GBP5: variants seen among roughly 807,000 people sequenced by gnomAD.
GBP5 encodes the protein guanylate-binding protein 5.
GBP5 carries 48 observed loss-of-function variants against 58.2 expected under a neutral mutation model. That is an observed-to-expected ratio of 0.83 (90% CI 0.65 to 1.05). The LOEUF is 1.05. Among genes scored for constraint, GBP5 ranks in the 50% least tolerant of loss-of-function variants. GBP5 has a pLI of 0.00. For missense variants in GBP5, 714 were observed against 686.8 expected, an observed-to-expected ratio of 1.04 and a Z score of -0.44; for synonymous variants, 248 against 251.8, an observed-to-expected ratio of 0.98 and a Z score of 0.14.
chr1:89,267,550 T>G, intron 4 of GBP5, 24 bp from the exon 5 acceptor site: 3 of 1,438,222 alleles, frequency 2.1e-6, no homozygotes, highest in Non-Finnish European at 2.9e-6. Context: ...CAAATTTAAG[T>G]CATGTCTCAT....
chr1:89,265,207 T>C (rs1227276425), intron 7 of GBP5, among the ~76,000 whole-genome samples: 1 of 152,114 alleles, frequency 6.6e-6, no homozygotes, highest in East Asian at 1.9e-4. Context: ...TTCAAGGTGT[T>C]TGTGATAGTC....
chr1:89,269,294 G>A, intron 3 of GBP5, 72 bp downstream of exon 3: 2 of 1,428,912 alleles, frequency 1.4e-6, no homozygotes, highest in Non-Finnish European at 9.8e-7. Flanking sequence ...CTCTCTCCTT[G>A]CTTCCTCGTA....
intron 7 of GBP5, among the ~76,000 whole-genome samples, chr1:89,265,727 CA>C (rs10539124): frequency 0.019 from 1,523 of 80,294 alleles, 13 homozygotes; most frequent in African/African-American, 0.044. Context: ...GACTCCACCT[CA>C]AAAAAAAAAA....
chr1:89,270,164 A>T (rs1416988471), intron 2 of GBP5: 1 of 152,184 alleles, frequency 6.6e-6, no homozygotes, highest in Non-Finnish European at 1.5e-5. Context: ...TCAAAGCATG[A>T]TTATTTTATG....
At position 89,257,348 on chromosome 1, in the gene GBP5, C is replaced by A. The variant is rs1649820290; in HGVS notation, c.*3356G>T. 6.6e-6 allele frequency among the ~76,000 whole-genome samples: 1 copy of A among 152,116 alleles called. No homozygotes were observed. Among genetic ancestry groups the A allele is most frequent in the South Asian group, 2.1e-4 (1 of 4,830 alleles). On this transcript the variant is annotated 3_prime_UTR_variant, in exon 12 of 12. Transcript: ENST00000370459. The stretch of plus-strand genomic sequence containing the variant: ...CATGAAAAAAGCACATGAAAACCCA[C>A]CCCCATGATTTGATTACCTCCCACC...
In GBP5 at chr1:89,269,551, G is replaced by A. The variant is rs759331870; in HGVS notation, c.5C>T (p.Ala2Val). Residue 2 changes from alanine (A) to valine (V), a missense_variant, in exon 3 of 12, where the codon GCT becomes GTT. Physicochemically the swap from Ala to Val is moderately conservative, Grantham distance 64. Coordinates refer to ENST00000370459, the MANE Select transcript of GBP5 (RefSeq NM_052942.5). Reference sequence around the variant, plus strand: ...GGGGTCTGACATGTGGATCTCTAAAGCCATGTCTAGGATGTTACTTTGCCT... The same window carrying A: ...GGGGTCTGACATGTGGATCTCTAAAACCATGTCTAGGATGTTACTTTGCCT... M[A>V]LEIHMSDPMC... 5 of 1,611,640 alleles carry A rather than the reference G, an allele frequency of 3.1e-6. No individual in the cohort carries two copies. The African/African-American group carries it at 6.7e-5, about 22-fold the overall frequency.
At chr1:89,270,581 G>T (rs926898464) in intron 2 of GBP5, 174 bp downstream of exon 2, 4 of 152,164 alleles carry the variant, frequency 2.6e-5, no homozygotes, top group Non-Finnish European at 5.9e-5. Flanking sequence ...AACAGAAACT[G>T]CTTGGCAGCA....
In GBP5 at chr1:89,266,591, G is replaced by A. The variant is rs201141768; in HGVS notation, c.626-3C>T. The A allele has an allele frequency of 3.1e-4, 504 of 1,603,940 alleles. 4 individuals are homozygous for A. The African/African-American group carries it at 5.5e-3, about 17-fold the overall frequency. Reference sequence around the variant, plus strand: ...ATTTTGAACTCTTTGATCACTACCTGGAGAATAAAAAATAGGATTTATTTA... The same window carrying A: ...ATTTTGAACTCTTTGATCACTACCTAGAGAATAAAAAATAGGATTTATTTA... On this transcript the variant is annotated splice_region_variant and splice_polypyrimidine_tract_variant and intron_variant, in intron 6 of 11. Coordinates refer to ENST00000370459, the MANE Select transcript of GBP5 (RefSeq NM_052942.5).
chr1:89,272,143 T>G (rs529473274), intron 1 of GBP5: 1 of 152,350 alleles, frequency 6.6e-6, no homozygotes, highest in East Asian at 1.9e-4. Context: ...TCAGATTTTA[T>G]GAAGGACGAA....
chr1:89,268,731 T>TAAAA lies in GBP5; in HGVS notation c.315_316insTTTT (p.Lys106PhefsTer2). On this transcript the variant is annotated frameshift_variant, in exon 4 of 12. Coordinates refer to ENST00000370459, the MANE Select transcript of GBP5 (RefSeq NM_052942.5). LOFTEE classifies it high-confidence loss of function. Reference sequence around the variant, plus strand: ...TAAAAAAAGGAATCCTTCCTTACCTTCTCTACATCTCCCAGGCCCTCGGTG... The same window carrying TAAAA: ...TAAAAAAAGGAATCCTTCCTTACCTTAAAACTCTACATCTCCCAGGCCCTCGGTG... The TAAAA allele has an allele frequency of 6.2e-7, 1 of 1,613,986 alleles. No individual in the cohort carries two copies. The highest frequency in any genetic ancestry group is 1.7e-5 in the Admixed American group (1 of 60,008).
At chr1:89,261,572 G>A (rs1276746588) in intron 11 of GBP5, among the ~76,000 whole-genome samples, 1 of 152,168 alleles carries the variant, frequency 6.6e-6, no homozygotes, top group Non-Finnish European at 1.5e-5. Context: ...GAAAAATGAG[G>A]ACACAGTAGT....
chr1:89,266,722 A>G lies in GBP5; in HGVS notation c.626-134T>C, dbSNP rs2100594596. On this transcript the variant is annotated intron_variant, in intron 6 of 11. Coordinates refer to ENST00000370459, the MANE Select transcript of GBP5 (RefSeq NM_052942.5). ...TCATAAACCCTAAGTAAAAAGCAAA[A>G]TGGTAACTAATCAGGGAAAGTAAAA... The G allele has an allele frequency of 6.8e-6, 6 of 876,428 alleles. No homozygotes were observed. In the South Asian group the frequency reaches 8.3e-5, roughly 12 times the overall value. 54.3% of individuals were successfully genotyped at this position (876,428 alleles called of 1,614,324 possible). A position where few individuals can be genotyped will look rare whatever the true frequency, so the allele number is the denominator to read the frequency against.
chr1:89,271,115 A>G (rs1441968052), intron 1 of GBP5: 1 of 152,214 alleles, frequency 6.6e-6, no homozygotes, highest in African/African-American at 2.4e-5. Context: ...TTGCAGATTT[A>G]ATGTGTTCAA....
rs931374494 is a variant in GBP5, at chr1:89,262,397, T to A, written c.1470A>T (p.Ala490=). ...CCTTTTCAGCTTCTGCTTTCACTTG[T>A]GCCTCTGAGGAGAAAAAGATAATCT... ...LTETEKKKKE[A]QVKAEAEKAE... Residue 490 remains alanine (A), a synonymous_variant, in exon 11 of 12, where the codon GCA becomes GCT. Transcript: ENST00000370459. The A allele has an allele frequency of 3.7e-6, 6 of 1,613,638 alleles. No homozygotes were observed. Among genetic ancestry groups the A allele is most frequent in the Non-Finnish European group, 5.1e-6 (6 of 1,179,808 alleles).
At position 89,263,780 on chromosome 1, in the gene GBP5, C is replaced by T. The variant is rs371196248; in HGVS notation, c.1318G>A (p.Glu440Lys). Residue 440 changes from glutamate to lysine, a missense_variant, in exon 9 of 12, where the codon GAA becomes AAA. Glu to Lys is a moderately conservative substitution (Grantham distance 56). Coordinates refer to ENST00000370459, the MANE Select transcript of GBP5 (RefSeq NM_052942.5). ...TCCCGATAGTACTTTGCCTTCAGTT[C>T]TTCTGTTTTCTGAATGAAGAGATTA... Reference protein sequence around the residue: ...GHNLFIQKTEELKAKYYREPR... With the variant: ...GHNLFIQKTEKLKAKYYREPR... The T allele has an allele frequency of 7.4e-6, 12 of 1,613,498 alleles. No homozygotes were observed. The highest frequency in any genetic ancestry group is 8.5e-6 in the Non-Finnish European group (10 of 1,179,758).
intron 2 of GBP5, chr1:89,270,390 T>G (rs751537860): frequency 6.6e-6 from 1 of 152,226 alleles, no homozygotes; most frequent in African/African-American, 2.4e-5. Context: ...TTACTAAGGA[T>G]GCTAAAACTT....
rs1432156984 is a variant in GBP5 at position 89,257,747 on chromosome 1, T to C, written c.*2957A>G. ...CTTAGCTGGTATGAATAACTATTCA[T>C]AGTATTAACTAATAAAGATTTTGTA... On this transcript the variant is annotated 3_prime_UTR_variant, in exon 12 of 12. Transcript: ENST00000370459. 1.3e-5 allele frequency among the ~76,000 whole-genome samples: 2 copies of C among 152,230 alleles called. No individual in the cohort carries two copies. Among genetic ancestry groups the C allele is most frequent in the South Asian group, 2.1e-4 (1 of 4,836 alleles).
intron 11 of GBP5, 135 bp from the exon 12 acceptor site, chr1:89,260,952 A>C: frequency 1.6e-6 from 1 of 620,454 alleles, no homozygotes; most frequent in Non-Finnish European, 2.9e-6. Flanking sequence ...CGTGCATCTA[A>C]CCTATTTCTG....
In GBP5 at chr1:89,266,522, T is replaced by A; in HGVS notation, c.692A>T (p.Lys231Met). ...AGGTAAGTCAAAGATAAAGCATTTCTTTTTTGGAAAGAACTTCTGTATACA... is the reference window on the plus strand; with the variant it reads ...AGGTAAGTCAAAGATAAAGCATTTCATTTTTGGAAAGAACTTCTGTATACA... The part of the protein sequence containing the change: ...RLCIQKFFPK[K>M]KCFIFDLPAH... Residue 231 changes from lysine (K) to methionine (M), a missense_variant, in exon 7 of 12, where the codon AAG becomes ATG. Coordinates refer to ENST00000370459, the MANE Select transcript of GBP5 (RefSeq NM_052942.5). 6.2e-7 allele frequency: 1 copy of A among 1,613,952 alleles called. No individual in the cohort carries two copies. Among genetic ancestry groups the A allele is most frequent in the Non-Finnish European group, 8.5e-7 (1 of 1,179,844 alleles).
Sources: gnomAD v4.1 joint callset for allele counts (sites outside exome capture counted in the v4.1 genomes callset) on GRCh38, gnomAD v4.1.1 for gene constraint, MANE v1.5 for transcripts, NCBI Gene and HGNC (gene_info 2026-07-23, HGNC 2026-07-21) for gene names.